The following ADAMTSL1 variants were observed in gnomAD, a reference collection of about 807,000 sequenced individuals.
The protein encoded by ADAMTSL1 is ADAMTS like 1.
A neutral mutation model predicts 201.8 loss-of-function variants in ADAMTSL1; 126 were observed. The observed-to-expected ratio is 0.62, with a 90% confidence interval of 0.54 to 0.72. The LOEUF is 0.72. ADAMTSL1 is among the 30% of genes least tolerant of loss of function. The probability of loss-of-function intolerance (pLI) is 0.00; values close to 1 mark genes in which losing one functional copy is unlikely to be tolerated. For synonymous variants in ADAMTSL1, 1,121 were observed against 903.4 expected, an observed-to-expected ratio of 1.24 and a Z score of -4.32; for missense variants, 2,679 against 2,277.8, an observed-to-expected ratio of 1.18 and a Z score of -3.59.
intron 2 of ADAMTSL1, among the ~76,000 whole-genome samples, chr9:18,223,086 A>C (rs1387014452): frequency 6.6e-6 from 1 of 152,024 alleles, no homozygotes; most frequent in Admixed American, 6.6e-5. Context: ...TCTAAATTTA[A>C]GGCTTGGTGT....
intron 2 of ADAMTSL1, among the ~76,000 whole-genome samples, chr9:18,177,383 A>G (rs758399164): frequency 1.3e-5 from 2 of 152,190 alleles, no homozygotes; most frequent in Non-Finnish European, 2.9e-5. Context: ...ATAATGCATG[A>G]CACTGATGGA....
In ADAMTSL1 at chr9:18,770,793, C is replaced by G; in HGVS notation, c.2397+12C>G. ...CAGACTGGACAGAGGTATGTATGTT[C>G]CTCCGAAGAGAATGAAAGAGATCCA... On this transcript the variant is annotated intron_variant, in intron 17 of 28. Transcript: ENST00000380548. 9 of 1,611,388 alleles carry G rather than the reference C, an allele frequency of 5.6e-6. No homozygotes were observed. Among genetic ancestry groups the G allele is most frequent in the Non-Finnish European group, 6.8e-6 (8 of 1,178,304 alleles).
At chr9:18,869,852 G>A (rs929881807) in intron 23 of ADAMTSL1, among the ~76,000 whole-genome samples, 1 of 152,106 alleles carries the variant, frequency 6.6e-6, no homozygotes, top group Non-Finnish European at 1.5e-5. Context: ...TGGGAAGTTT[G>A]AGGATTTTAT....
At chr9:18,812,880 A>AT (rs1474468986) in intron 20 of ADAMTSL1, among the ~76,000 whole-genome samples, 2 of 150,292 alleles carry the variant, frequency 1.3e-5, no homozygotes, top group African/African-American at 2.5e-5. Context: ...TTATGTGTCT[A>AT]TTTTTATGGC....
Position 18,074,235 on chromosome 9 carries a change from T to C in ADAMTSL1, c.88-89627T>C, listed in dbSNP as rs1266243735. ...GCTTCCCTTTGGCTTGTAAACTACT[T>C]GCTCAGCTTCTGTGGTCATTTTCTT... On this transcript the variant is annotated intron_variant, in intron 1 of 29. Transcript: ENST00000680146. Among the ~76,000 whole-genome samples, 5 of 152,156 alleles carry C rather than the reference T, an allele frequency of 3.3e-5. No individual in the cohort carries two copies. The East Asian group carries it at 9.7e-4, about 29-fold the overall frequency.
At chr9:18,373,648 A>G (rs13283044) in intron 2 of ADAMTSL1, among the ~76,000 whole-genome samples, 1 of 152,102 alleles carries the variant, frequency 6.6e-6, no homozygotes, top group Admixed American at 6.6e-5. Context: ...TACACTTGAC[A>G]CCACTGCCAA....
chr9:18,062,521 C>T (rs2186635), intron 1 of ADAMTSL1, among the ~76,000 whole-genome samples: 90,882 of 151,818 alleles, frequency 0.6, 27,273 homozygotes, highest in African/African-American at 0.64. Context: ...TTTCCATATA[C>T]AGGCTACCTA....
At position 18,303,645 on chromosome 9, in the gene ADAMTSL1, G is replaced by C. The variant is rs149177128; in HGVS notation, c.207+139664G>C. On this transcript the variant is annotated intron_variant, in intron 2 of 29. Coordinates refer to the ADAMTSL1 transcript ENST00000680146. ...TCTAAGGGAAAGAAGAGAATGACAAGAGTCAGGAGAGGAAGAGAGAGCGCG... is the reference window on the plus strand; with the variant it reads ...TCTAAGGGAAAGAAGAGAATGACAACAGTCAGGAGAGGAAGAGAGAGCGCG... Among the ~76,000 whole-genome samples, 512 of 152,298 alleles carry C rather than the reference G, an allele frequency of 3.4e-3. 2 individuals carry two copies. Among genetic ancestry groups the C allele is most frequent in the Non-Finnish European group, 5.5e-3 (374 of 68,020 alleles).
chr9:18,279,455 G>T (rs1333534666), intron 2 of ADAMTSL1, among the ~76,000 whole-genome samples: 1 of 151,328 alleles, frequency 6.6e-6, no homozygotes, highest in African/African-American at 2.4e-5. Flanking sequence ...CTTTGGTGGG[G>T]TCATGTTTCC....
At chr9:18,320,507 T>C (rs758266356) in intron 2 of ADAMTSL1, among the ~76,000 whole-genome samples, 5 of 152,200 alleles carry the variant, frequency 3.3e-5, no homozygotes, top group Non-Finnish European at 7.3e-5. Flanking sequence ...GTGTAACAAC[T>C]GCTAAAAGAG....
intron 23 of ADAMTSL1, among the ~76,000 whole-genome samples, chr9:18,876,988 G>C (rs1161156799): frequency 1.3e-5 from 2 of 152,120 alleles, no homozygotes; most frequent in African/African-American, 2.4e-5. Flanking sequence ...TAATTCAAAA[G>C]ACTTGTCTTC....
At chr9:18,907,270 A>C in intron 28 of ADAMTSL1, 1 of 270,700 alleles carries the variant, frequency 3.7e-6, no homozygotes, top group Non-Finnish European at 7.0e-6. Context: ...ACTAAACAGA[A>C]AATGCTGTTA....
intron 2 of ADAMTSL1, among the ~76,000 whole-genome samples, chr9:18,429,914 C>T (rs887527460): frequency 3.3e-5 from 5 of 151,968 alleles, no homozygotes; most frequent in Admixed American, 2.0e-4. Context: ...CTCAGCCTCC[C>T]GGGTAGCTGG....
At chr9:18,233,052 C>T (rs1025933643) in intron 2 of ADAMTSL1, among the ~76,000 whole-genome samples, 3 of 152,070 alleles carry the variant, frequency 2.0e-5, no homozygotes, top group Admixed American at 1.3e-4. Context: ...GGAAACTCTG[C>T]GAGGTTCCTC....
chr9:18,354,749 A>C (rs570021682), intron 2 of ADAMTSL1, among the ~76,000 whole-genome samples: 3 of 152,232 alleles, frequency 2.0e-5, no homozygotes, highest in South Asian at 2.1e-4. Context: ...TGGTGGATCA[A>C]CTGAGGTCAG....
In ADAMTSL1 at chr9:18,777,623, C is replaced by T. The variant is rs577140839; in HGVS notation, c.3394C>T (p.Leu1132Phe). The change falls in exon 19 of 29, where the codon CTC (leucine) becomes TTC (phenylalanine). Residue 1132 changes from leucine (L) to phenylalanine (F), a missense_variant. Transcript: ENST00000380548. ...PSERRTSPVT[L>F]SPHKHVSGFS... ...GGAGCGCAGGACTTCCCCAGTGACT[C>T]TCTCGCCTCATAAACACGTGTCTGG... The T allele has an allele frequency of 1.2e-6, 2 of 1,613,698 alleles. No individual in the cohort carries two copies. The highest frequency in any genetic ancestry group is 1.1e-5 in the South Asian group (1 of 91,046).
At chr9:18,541,426 C>G (rs559419248) in intron 3 of ADAMTSL1, among the ~76,000 whole-genome samples, 2 of 151,420 alleles carry the variant, frequency 1.3e-5, no homozygotes, top group Non-Finnish European at 2.9e-5. Context: ...AGGAGAATCG[C>G]GTGAAACCAG....
intron 2 of ADAMTSL1, among the ~76,000 whole-genome samples, chr9:18,396,448 A>T (rs147808806): frequency 0.022 from 3,295 of 149,456 alleles, 109 homozygotes; most frequent in African/African-American, 0.074. Flanking sequence ...CTATTCTAAT[A>T]AATAATAATT....
chr9:18,835,542 C>T (rs10963791), intron 23 of ADAMTSL1, among the ~76,000 whole-genome samples: 14,957 of 152,026 alleles, frequency 0.098, 989 homozygotes, highest in East Asian at 0.3. Context: ...AGGAGGTACA[C>T]GTGCAGGTGT....
Sources: gnomAD v4.1 joint callset for allele counts (sites outside exome capture counted in the v4.1 genomes callset) on GRCh38, gnomAD v4.1.1 for gene constraint, MANE v1.5 for transcripts, NCBI Gene and HGNC (gene_info 2026-07-23, HGNC 2026-07-21) for gene names.